PCDHGA6: variants seen among roughly 807,000 people sequenced by gnomAD.
PCDHGA6 encodes the protein protocadherin gamma-A6.
PCDHGA6 carries 41 observed loss-of-function variants against 60.6 expected under a neutral mutation model. That is an observed-to-expected ratio of 0.68 (90% CI 0.53 to 0.88). The LOEUF is 0.88. Ranked by LOEUF, PCDHGA6 falls within the 40% of genes least tolerant of loss-of-function variation. PCDHGA6 has a pLI of 0.00. For synonymous variants in PCDHGA6, 594 were observed against 524.4 expected, an observed-to-expected ratio of 1.13 and a Z score of -1.81; for missense variants, 1,312 against 1,203.0, an observed-to-expected ratio of 1.09 and a Z score of -1.34.
chr5:141,437,782 A>C (rs1410096491), intron 1 of PCDHGA6, among the ~76,000 whole-genome samples: 1 of 151,512 alleles, frequency 6.6e-6, no homozygotes, highest in African/African-American at 2.4e-5. Context: ...TCTGTCGCCA[A>C]GCTGGAGTGC....
Position 141,404,436 on chromosome 5 carries a change from C to T in PCDHGA6, c.2424+27929C>T. On this transcript the variant is annotated intron_variant, in intron 1 of 3. Transcript: ENST00000517434. Reference sequence around the variant, plus strand: ...GTTATTTACTCCTTGGCAGAGGATACCATCCAAGGGTCTCCTCTCTCCACC... The same window carrying T: ...GTTATTTACTCCTTGGCAGAGGATATCATCCAAGGGTCTCCTCTCTCCACC... 1.9e-6 allele frequency: 3 copies of T among 1,612,706 alleles called. No individual in the cohort carries two copies. In the East Asian group the frequency reaches 6.7e-5, roughly 36 times the overall value.
chr5:141,465,048 A>AT (rs905091014), intron 1 of PCDHGA6, among the ~76,000 whole-genome samples: 18 of 151,226 alleles, frequency 1.2e-4, no homozygotes, highest in African/African-American at 4.4e-4. Context: ...GACCCTATAT[A>AT]TTTTTTTGAA....
chr5:141,419,824 AGCCACTGCCACGCT>A, intron 1 of PCDHGA6: 1 of 1,614,038 alleles, frequency 6.2e-7, no homozygotes, highest in South Asian at 1.1e-5. Context: ...CACCCCTTTC[AGCCACTGCCACGCT>A]GCACCTGGTG....
At chr5:141,433,397 A>G (rs189987785) in intron 1 of PCDHGA6, among the ~76,000 whole-genome samples, 270 of 150,524 alleles carry the variant, frequency 1.8e-3, no homozygotes, top group Non-Finnish European at 3.1e-3. Context: ...CTATCTATCT[A>G]TCTATCTATT....
chr5:141,466,581 T>C (rs1426600962), intron 1 of PCDHGA6, among the ~76,000 whole-genome samples: 2 of 152,198 alleles, frequency 1.3e-5, no homozygotes, highest in Non-Finnish European at 2.9e-5. Flanking sequence ...GTCTCATCCC[T>C]TCTTAAAACA....
In PCDHGA6 at chr5:141,395,071, A is replaced by G. The variant is rs767254764; in HGVS notation, c.2424+18564A>G. 27 of 1,614,100 alleles carry G rather than the reference A, an allele frequency of 1.7e-5. No individual in the cohort carries two copies. Among genetic ancestry groups the G allele is most frequent in the East Asian group, 2.2e-5 (1 of 44,880 alleles). The stretch of plus-strand genomic sequence containing the variant: ...GAGGTACAGGCTTTCCTGCAGACCT[A>G]TTCCCAGGAAGTCTCCCTCACCGCC... On this transcript the variant is annotated intron_variant, in intron 1 of 3. Transcript: ENST00000517434.
Position 141,375,192 on chromosome 5 carries a change from A to G in PCDHGA6, c.1109A>G (p.Gln370Arg). Residue 370 changes from glutamine (Q) to arginine (R), a missense_variant, in exon 1 of 4, where the codon CAA (glutamine) becomes CGA (arginine). Coordinates refer to ENST00000517434, the MANE Select transcript of PCDHGA6 (RefSeq NM_018919.3). ...CCAGGAACAGTAATCGCCCTTTTTC[A>G]AGTGTTCGATCGAGACTCTGGCCTG... is the stretch of plus-strand genomic sequence containing the variant. Reference protein sequence around the residue: ...APPGTVIALFQVFDRDSGLNG... With the variant: ...APPGTVIALFRVFDRDSGLNG... The G allele has an allele frequency of 1.9e-6, 3 of 1,613,952 alleles. No individual in the cohort carries two copies. Among genetic ancestry groups the G allele is most frequent in the South Asian group, 2.2e-5 (2 of 91,082 alleles).
chr5:141,433,164 A>G, intron 1 of PCDHGA6: 3 of 1,613,600 alleles, frequency 1.9e-6, no homozygotes, highest in Non-Finnish European at 2.5e-6. Context: ...TTTTCTAAAG[A>G]CAGTCATGGG....
intron 1 of PCDHGA6, chr5:141,421,422 C>A (rs908483513): frequency 6.2e-7 from 1 of 1,614,086 alleles, no homozygotes; most frequent in South Asian, 1.1e-5. Flanking sequence ...AGCGCGGAGT[C>A]CGCATCGTCT....
chr5:141,421,953 G>A lies in PCDHGA6; in HGVS notation c.2424+45446G>A, dbSNP rs193141134. On this transcript the variant is annotated intron_variant, in intron 1 of 3. Coordinates refer to ENST00000517434, the MANE Select transcript of PCDHGA6 (RefSeq NM_018919.3). ...TCGATGTAAATGATCACATCCCAATGTTTACACAGTCCGTATATCGCGTGA... is the reference window on the plus strand; with the variant it reads ...TCGATGTAAATGATCACATCCCAATATTTACACAGTCCGTATATCGCGTGA... 1.8e-4 allele frequency: 295 copies of A among 1,612,962 alleles called. 5 individuals are homozygous for A. In the East Asian group the frequency reaches 4.0e-3, roughly 22 times the overall value.
At chr5:141,478,711 T>G (rs1420376406) in intron 1 of PCDHGA6, 1 of 1,547,346 alleles carries the variant, frequency 6.5e-7, no homozygotes. Context: ...CTTTGTGAGA[T>G]GGTGGCCTGC....
chr5:141,505,377 C>G lies in PCDHGA6; in HGVS notation c.2484-16C>G, dbSNP rs1368451336. 1.9e-6 allele frequency: 3 copies of G among 1,614,036 alleles called. No homozygotes were observed. In the East Asian group the frequency reaches 6.7e-5, roughly 36 times the overall value. On this transcript the variant is annotated splice_polypyrimidine_tract_variant and intron_variant, in intron 2 of 3. Coordinates refer to ENST00000517434, the MANE Select transcript of PCDHGA6 (RefSeq NM_018919.3). Reference sequence around the variant, plus strand: ...CGGCCTGGGAGTCTGTGCTCACCATCCTACTCTCTCCCCAGCTCCCAAAAT... The same window carrying G: ...CGGCCTGGGAGTCTGTGCTCACCATGCTACTCTCTCCCCAGCTCCCAAAAT...
chr5:141,467,287 A>C (rs2099140956), intron 1 of PCDHGA6, among the ~76,000 whole-genome samples: 1 of 152,082 alleles, frequency 6.6e-6, no homozygotes, highest in Admixed American at 6.6e-5. Flanking sequence ...TCTTGACCTC[A>C]AGTGATCCAC....
chr5:141,441,656 C>A, intron 1 of PCDHGA6: 1 of 247,684 alleles, frequency 4.0e-6, no homozygotes, highest in Non-Finnish European at 8.1e-6. Flanking sequence ...TCTAGGTGTC[C>A]TTGAGCGCAC....
intron 1 of PCDHGA6, chr5:141,407,933 TG>T: frequency 2.0e-6 from 1 of 505,054 alleles, no homozygotes; most frequent in Non-Finnish European, 3.4e-6. Flanking sequence ...ACGGAGCCTC[TG>T]GGCGCCGCTG....
At position 141,477,372 on chromosome 5, in the gene PCDHGA6, CTG is replaced by C; in HGVS notation, c.2425-17432_2425-17431del. On this transcript the variant is annotated intron_variant, in intron 1 of 3. Transcript: ENST00000517434. This position sits in a 1 kb window ranked among gnomAD's most constrained non-coding sequence, Gnocchi z 4.9. ...ACCAGTGCAGACCTGGATCGGGAGA[CTG>C]TGCCAGAATACAACCTCAGCATCAC... The C allele has an allele frequency of 6.2e-7, 1 of 1,614,154 alleles. No homozygotes were observed. The highest frequency in any genetic ancestry group is 8.5e-7 in the Non-Finnish European group (1 of 1,180,030).
At chr5:141,447,371 C>G (rs1180989888) in intron 1 of PCDHGA6, among the ~76,000 whole-genome samples, 1 of 151,826 alleles carries the variant, frequency 6.6e-6, no homozygotes, top group African/African-American at 2.4e-5. Context: ...ACTCCTGACC[C>G]TGGTGATCTG....
intron 1 of PCDHGA6, among the ~76,000 whole-genome samples, chr5:141,463,541 C>T (rs1423301726): frequency 2.7e-5 from 4 of 150,402 alleles, no homozygotes; most frequent in East Asian, 2.0e-4. Flanking sequence ...CTCCGGCTCC[C>T]GGGTTCATGC....
chr5:141,509,155 C>G (rs981661695), intron 3 of PCDHGA6, among the ~76,000 whole-genome samples: 3 of 152,202 alleles, frequency 2.0e-5, no homozygotes, highest in Non-Finnish European at 4.4e-5. Flanking sequence ...GCTCTCCCCT[C>G]CCGTGTGCCC....
Sources: allele counts gnomAD v4.1 joint callset (sites outside exome capture counted in the v4.1 genomes callset), GRCh38; gene constraint gnomAD v4.1.1; non-coding constraint Gnocchi (gnomAD v3.1); transcripts MANE v1.5; gene names NCBI Gene and HGNC (gene_info 2026-07-23, HGNC 2026-07-21).